The following DCP1B variants were observed in gnomAD, a reference collection of about 807,000 sequenced individuals.
DCP1B encodes mRNA-decapping enzyme 1B.
Under a neutral mutation model 60.5 loss-of-function variants are expected in DCP1B, and 47 were observed. The observed-to-expected ratio is 0.78, with a 90% CI of 0.61 to 0.99. The LOEUF is 0.99. DCP1B is among the 50% of genes least tolerant of loss of function. The pLI is 0.00. For missense variants in DCP1B, 725 were observed against 756.8 expected (o/e 0.96, Z 0.49); for synonymous variants, 267 against 280.3 (o/e 0.95, Z 0.47).
At chr12:1,968,940 A>T (rs1209470844) in intron 3 of DCP1B, among the ~76,000 whole-genome samples, 1 of 152,222 alleles carries the variant, frequency 6.6e-6, no homozygotes, top group Non-Finnish European at 1.5e-5. Flanking sequence ...TCATTTTTAT[A>T]GCAAAGGCTG....
chr12:1,983,877 A>G (rs1469223262), intron 3 of DCP1B, among the ~76,000 whole-genome samples: 2 of 151,896 alleles, frequency 1.3e-5, no homozygotes, highest in Admixed American at 1.3e-4. Context: ...TTTCGGTTCT[A>G]TCACTTTTTG....
intron 3 of DCP1B, among the ~76,000 whole-genome samples, chr12:1,981,598 TAGGATGGTAAACTGTA>T (rs1345537109): frequency 5.3e-5 from 8 of 152,226 alleles, no homozygotes; most frequent in Non-Finnish European, 8.8e-5. Context: ...TCTTTCGTGC[TAGGATGGTAAACTGTA>T]AGGGGGAAGG....
rs532140471 is a variant in DCP1B at position 1,957,486 on chromosome 12, CA to C, written c.523-1927del. On this transcript the variant is annotated intron_variant, in intron 5 of 8. Transcript: ENST00000280665. ...TATTCTTTTGAATTCTATCATTCAA[CA>C]AAAAAATTTCTATAATTTCATAAAT... Among the ~76,000 whole-genome samples, 10 of 152,160 alleles carry C rather than the reference CA, an allele frequency of 6.6e-5. No homozygotes were observed. The East Asian group carries it at 1.2e-3, about 18-fold the overall frequency.
Position 1,946,160 on chromosome 12 carries a change from G to T in DCP1B, c.*46C>A. The T allele has an allele frequency of 1.4e-6, 2 of 1,395,638 alleles. No homozygotes were observed. Among genetic ancestry groups the T allele is most frequent in the Non-Finnish European group, 1.9e-6 (2 of 1,035,096 alleles). The allele number at this position is 1,395,638 out of a possible 1,614,324, so 86.5% of individuals were successfully genotyped here. A position where few individuals can be genotyped will look rare whatever the true frequency, so the allele number is the denominator to read the frequency against. Reference sequence around the variant, plus strand: ...ACTCAACATGAAAGAACCTTGTGCCGGAGTTCTAGAAGGACCTTGAAAATC... The same window carrying T: ...ACTCAACATGAAAGAACCTTGTGCCTGAGTTCTAGAAGGACCTTGAAAATC... On this transcript the variant is annotated 3_prime_UTR_variant, in exon 9 of 9. Transcript: ENST00000280665.
At chr12:1,954,536 GTA>G (rs34045825) in intron 6 of DCP1B, among the ~76,000 whole-genome samples, 1,615 of 150,028 alleles carry the variant, frequency 0.011, 21 homozygotes, top group African/African-American at 0.029. Context: ...ATTCTGAAGT[GTA>G]TATATATATA....
At chr12:1,947,973 A>G (rs1167189006) in intron 8 of DCP1B, among the ~76,000 whole-genome samples, 1 of 152,150 alleles carries the variant, frequency 6.6e-6, no homozygotes, top group African/African-American at 2.4e-5. Flanking sequence ...GCCAACATGG[A>G]ACCTTTTTAA....
chr12:1,970,252 T>C (rs2031875952), intron 3 of DCP1B, among the ~76,000 whole-genome samples: 1 of 152,140 alleles, frequency 6.6e-6, no homozygotes, highest in Non-Finnish European at 1.5e-5. Context: ...AAGGAAAGAT[T>C]GAGTTTGCAG....
intron 8 of DCP1B, among the ~76,000 whole-genome samples, chr12:1,947,617 A>G (rs2030485921): frequency 6.6e-6 from 1 of 152,200 alleles, no homozygotes; most frequent in Non-Finnish European, 1.5e-5. Context: ...GGATCTTTTA[A>G]ATTACAACTT....
chr12:1,947,093 A>C (rs1037728456), intron 8 of DCP1B, among the ~76,000 whole-genome samples: 1 of 152,228 alleles, frequency 6.6e-6, no homozygotes, highest in Non-Finnish European at 1.5e-5. Flanking sequence ...CAAAGCTAAT[A>C]TAAGTCTTCC....
At chr12:1,967,571 T>A (rs1592793083) in intron 4 of DCP1B, among the ~76,000 whole-genome samples, 1 of 152,354 alleles carries the variant, frequency 6.6e-6, no homozygotes, top group Admixed American at 6.5e-5. Flanking sequence ...TATGAAAATA[T>A]TAAAGAAAAC....
intron 1 of DCP1B, 22 bp downstream of exon 1, chr12:2,004,260 G>A (rs762470188): frequency 6.2e-7 from 1 of 1,612,206 alleles, no homozygotes; most frequent in Non-Finnish European, 8.5e-7. Flanking sequence ...GGGCTGCACT[G>A]CTCCGCCGCG....
rs1162559483 is a variant in DCP1B at position 1,953,213 on chromosome 12, T to C, written c.727A>G (p.Thr243Ala). ...GKQDKATCQE[T>A]VEPPQTLHQQ... is the part of the protein sequence containing the mutation. ...TGGAGAGTCTGCGGAGGCTCCACAGTTTCCTGACATGTAGCTTTGTCCTGC... is the reference window on the plus strand; with the variant it reads ...TGGAGAGTCTGCGGAGGCTCCACAGCTTCCTGACATGTAGCTTTGTCCTGC... Residue 243 changes from threonine to alanine, a missense_variant, in exon 7 of 9, where the codon ACT becomes GCT. Physicochemically the swap from Thr to Ala is moderately conservative, Grantham distance 58. Transcript: ENST00000280665. The C allele has an allele frequency of 1.9e-6, 3 of 1,608,210 alleles. No homozygotes were observed. Among genetic ancestry groups the C allele is most frequent in the Non-Finnish European group, 1.7e-6 (2 of 1,179,988 alleles).
intron 3 of DCP1B, among the ~76,000 whole-genome samples, chr12:1,969,826 G>T (rs2031773645): frequency 6.6e-6 from 1 of 152,082 alleles, no homozygotes; most frequent in African/African-American, 2.4e-5. Flanking sequence ...GCGTGTCTTG[G>T]TGACTTTAAC....
intron 3 of DCP1B, among the ~76,000 whole-genome samples, chr12:1,986,951 G>A (rs2037971012): frequency 6.6e-6 from 1 of 152,114 alleles, no homozygotes. Flanking sequence ...GCTATGGGGG[G>A]TTATGAAACA....
chr12:1,977,270 T>C (rs2034686361), intron 3 of DCP1B, among the ~76,000 whole-genome samples: 1 of 152,164 alleles, frequency 6.6e-6, no homozygotes, highest in Admixed American at 6.5e-5. Flanking sequence ...TGCTCGGCCA[T>C]GATGAGGGTG....
intron 3 of DCP1B, among the ~76,000 whole-genome samples, chr12:1,988,819 A>G (rs1232620212): frequency 1.3e-5 from 2 of 152,214 alleles, no homozygotes; most frequent in Non-Finnish European, 2.9e-5. Context: ...TATTTATAGC[A>G]GTTTTTCCCA....
intron 7 of DCP1B, 34 bp downstream of exon 7, chr12:1,952,381 CA>C: frequency 6.6e-7 from 1 of 1,521,918 alleles, no homozygotes; most frequent in Non-Finnish European, 8.8e-7. Context: ...CTATGCTGCC[CA>C]GGCTGTTTTA....
chr12:1,987,891 T>TA (rs2038258067), intron 3 of DCP1B, among the ~76,000 whole-genome samples: 1 of 152,238 alleles, frequency 6.6e-6, no homozygotes, highest in African/African-American at 2.4e-5. Flanking sequence ...CCCTCCCCCT[T>TA]AGTTTTCAAT....
chr12:1,963,943 G>T (rs1011512975), intron 5 of DCP1B, among the ~76,000 whole-genome samples: 1 of 152,038 alleles, frequency 6.6e-6, no homozygotes, highest in African/African-American at 2.4e-5. Context: ...TATTAGATTT[G>T]ATTTTTTTCC....
Sources: gnomAD v4.1 joint callset for allele counts (sites outside exome capture counted in the v4.1 genomes callset) on GRCh38, gnomAD v4.1.1 for gene constraint, MANE v1.5 for transcripts, NCBI Gene and HGNC (gene_info 2026-07-23, HGNC 2026-07-21) for gene names.